CAMKK2: variants seen among roughly 807,000 people sequenced by gnomAD.
CAMKK2 encodes calcium/calmodulin dependent protein kinase kinase 2.
A neutral mutation model predicts 67.2 loss-of-function variants in CAMKK2; 30 were observed. The observed-to-expected ratio is 0.45, with a 90% CI of 0.33 to 0.61. The LOEUF is 0.61. CAMKK2 is among the 20% of genes least tolerant of loss of function. The pLI is 0.02. For synonymous variants in CAMKK2, 322 were observed against 326.2 expected (o/e 0.99, Z 0.14); for missense variants, 643 against 802.0 (o/e 0.80, Z 2.39).
chr12:121,248,768 T>C (rs1304578206), intron 13 of CAMKK2, 34 bp from the exon 14 acceptor site: 2 of 1,612,482 alleles, frequency 1.2e-6, no homozygotes, highest in Admixed American at 1.7e-5. Context: ...GAGGGGCAGG[T>C]GTGGCTGGCT....
chr12:121,257,907 G>A (rs1892665423), intron 7 of CAMKK2, among the ~76,000 whole-genome samples: 2 of 152,164 alleles, frequency 1.3e-5, no homozygotes, highest in South Asian at 4.1e-4. Flanking sequence ...GTGGCATGAG[G>A]GAGGGTGGCC....
intron 9 of CAMKK2, among the ~76,000 whole-genome samples, chr12:121,255,280 A>ATATATATAATTATATATATAATTT (rs1566058788): frequency 1.7e-5 from 1 of 58,990 alleles, no homozygotes; most frequent in Non-Finnish European, 2.7e-5. Flanking sequence ...ATATATAATT[A>ATATATATAATTATATATATAATTT]TATATATAAT....
intron 10 of CAMKK2, among the ~76,000 whole-genome samples, chr12:121,252,964 G>C (rs1471952139): frequency 6.6e-6 from 1 of 152,166 alleles, no homozygotes; most frequent in African/African-American, 2.4e-5. Flanking sequence ...CCAACCCCAG[G>C]GTTTTCACAG....
intron 5 of CAMKK2, among the ~76,000 whole-genome samples, chr12:121,266,296 T>A (rs1894511720): frequency 6.6e-6 from 1 of 152,150 alleles, no homozygotes; most frequent in South Asian, 2.1e-4. Flanking sequence ...AGCCACCCAG[T>A]CTCTCGTACG....
intron 7 of CAMKK2, among the ~76,000 whole-genome samples, chr12:121,258,578 G>A (rs1468977976): frequency 1.3e-5 from 2 of 152,156 alleles, no homozygotes; most frequent in Non-Finnish European, 2.9e-5. Flanking sequence ...GCACTGCCCT[G>A]TCTGTCTCAG....
At chr12:121,244,723 T>C (rs373171038) in intron 15 of CAMKK2, 108 bp from the exon 16 acceptor site, 59 of 892,284 alleles carry the variant, frequency 6.6e-5, no homozygotes, top group East Asian at 4.0e-4. Context: ...ACCAGCTTCA[T>C]AGAGCTGGAG....
At chr12:121,255,292 A>ATATATATAATTT (rs1891848168) in intron 9 of CAMKK2, among the ~76,000 whole-genome samples, 2 of 19,586 alleles carry the variant, frequency 1.0e-4, no homozygotes, top group Admixed American at 9.8e-4. Context: ...ATATATAATT[A>ATATATATAATTT]TATATATAAT....
At position 121,252,309 on chromosome 12, in the gene CAMKK2, C is replaced by T. The variant is rs78222088; in HGVS notation, c.1161+352G>A. Among the ~76,000 whole-genome samples, 439 of 152,336 alleles carry T rather than the reference C, an allele frequency of 2.9e-3. 25 individuals carry two copies. The East Asian group carries it at 0.078, about 27-fold the overall frequency. ...TTGAGACGGAGTCTCGCTCTTGTTG[C>T]CCAGGCTGGAATACAATGGTGCAAT... On this transcript the variant is annotated intron_variant, in intron 11 of 16. Transcript: ENST00000404169.
intron 5 of CAMKK2, among the ~76,000 whole-genome samples, chr12:121,267,244 G>A (rs935140558): frequency 1.0e-4 from 15 of 148,108 alleles, no homozygotes; most frequent in African/African-American, 3.5e-4. Flanking sequence ...CGAGTAGCCA[G>A]GGATTTACAG....
upstream of CAMKK2, chr12:121,297,757 C>G (rs191078717): frequency 4.0e-6 from 2 of 500,138 alleles, no homozygotes; most frequent in African/African-American, 3.9e-5. Context: ...CTCTAGTTAA[C>G]TGGGTGGATT....
chr12:121,261,322 C>T (rs898560058), intron 6 of CAMKK2, among the ~76,000 whole-genome samples: 1 of 152,146 alleles, frequency 6.6e-6, no homozygotes, highest in Non-Finnish European at 1.5e-5. Flanking sequence ...CAGGGCCCCT[C>T]GCTAACCAAA....
rs1314605421 is a variant in CAMKK2, at chr12:121,253,990, C to T, written c.908-518G>A. 2.0e-5 allele frequency among the ~76,000 whole-genome samples: 3 copies of T among 152,194 alleles called. No individual in the cohort carries two copies. Among genetic ancestry groups the T allele is most frequent in the African/African-American group, 7.2e-5 (3 of 41,444 alleles). On this transcript the variant is annotated intron_variant, in intron 9 of 16. Transcript: ENST00000404169. This position sits in a 1 kb window ranked among gnomAD's most constrained non-coding sequence, Gnocchi z 5.0. ...TATCAGCCCATGGTACAGGACAGTT[C>T]TATGGCCTGGAAGACCCAACTGCCA...
At position 121,240,585 on chromosome 12, in the gene CAMKK2, ATC is replaced by A. The variant is rs1304445319; in HGVS notation, c.*112_*113del. 2 of 1,531,910 alleles carry A rather than the reference ATC, an allele frequency of 1.3e-6. No individual in the cohort carries two copies. The highest frequency in any genetic ancestry group is 1.7e-6 in the Non-Finnish European group (2 of 1,145,804). The allele number at this position is 1,531,910 out of a possible 1,614,324, so 94.9% of individuals were successfully genotyped here. A position where few individuals can be genotyped will look rare whatever the true frequency, so the allele number is the denominator to read the frequency against. On this transcript the variant is annotated 3_prime_UTR_variant, in exon 17 of 17. Transcript: ENST00000404169. The surrounding 1 kb of genome is among the most constrained non-coding windows in gnomAD (Gnocchi z 4.4). ...AAAAAACAAATAACCAGAGATGACG[ATC>A]GAGGCTCTACACACGTGCTGGGTTT... is the stretch of plus-strand genomic sequence containing the variant.
intron 1 of CAMKK2, among the ~76,000 whole-genome samples, chr12:121,289,100 G>A (rs552103747): frequency 6.6e-6 from 1 of 152,198 alleles, no homozygotes; most frequent in South Asian, 2.1e-4. Flanking sequence ...GAGCGGGCTG[G>A]GTGAAGGGTC....
chr12:121,246,935 G>A (rs1033884425), intron 14 of CAMKK2, among the ~76,000 whole-genome samples: 2 of 151,654 alleles, frequency 1.3e-5, no homozygotes, highest in African/African-American at 4.8e-5. Context: ...ACACATGCAG[G>A]GGGCCTGGAC....
At chr12:121,241,180 G>T (rs905595671) in intron 16 of CAMKK2, among the ~76,000 whole-genome samples, 1 of 152,118 alleles carries the variant, frequency 6.6e-6, no homozygotes, top group Non-Finnish European at 1.5e-5. Context: ...CAAGTAGAAG[G>T]CACCCCCCAC....
chr12:121,282,915 C>G (rs542484484), intron 1 of CAMKK2, among the ~76,000 whole-genome samples: 1 of 152,010 alleles, frequency 6.6e-6, no homozygotes, highest in Non-Finnish European at 1.5e-5. Flanking sequence ...CCACCATGCC[C>G]GGCTAATTTT....
chr12:121,271,040 C>G, intron 2 of CAMKK2, 95 bp from the exon 3 acceptor site: 1 of 925,754 alleles, frequency 1.1e-6, no homozygotes, highest in Non-Finnish European at 1.8e-6. Context: ...TTCAGGAGAC[C>G]AAGGTGGGAG....
chr12:121,283,336 G>A (rs1477869222), intron 1 of CAMKK2, among the ~76,000 whole-genome samples: 1 of 152,154 alleles, frequency 6.6e-6, no homozygotes, highest in Non-Finnish European at 1.5e-5. Context: ...CTCCTTCAGC[G>A]CTCTTTAATT....
Sources: gnomAD v4.1 joint callset for allele counts (sites outside exome capture counted in the v4.1 genomes callset) on GRCh38, gnomAD v4.1.1 for gene constraint, Gnocchi (gnomAD v3.1) non-coding constraint, MANE v1.5 for transcripts, NCBI Gene and HGNC (gene_info 2026-07-23, HGNC 2026-07-21) for gene names.